Variants in NLN observed in about 807,000 individuals in gnomAD.
NLN encodes neurolysin.
In NLN, 64 loss-of-function variants were observed where a neutral mutation model predicts 79.9. The observed-to-expected ratio is 0.80, with a 90% CI of 0.65 to 0.99. The LOEUF (loss-of-function observed/expected upper bound fraction) is 0.99. Ranked by LOEUF, NLN falls within the 50% of genes least tolerant of loss-of-function variation. NLN has a pLI of 0.00. For missense variants in NLN, 835 were observed against 858.7 expected, an observed-to-expected ratio of 0.97 and a Z score of 0.34; for synonymous variants, 267 against 296.6, an observed-to-expected ratio of 0.90 and a Z score of 1.02.
chr5:65,810,663 T>C (rs1247901185), intron 11 of NLN, among the ~76,000 whole-genome samples: 3 of 152,220 alleles, frequency 2.0e-5, no homozygotes, highest in African/African-American at 7.2e-5. Flanking sequence ...TTGACTATAG[T>C]CATCCTGTTA....
At chr5:65,814,795 A>G (rs1338131012) in intron 12 of NLN, among the ~76,000 whole-genome samples, 1 of 152,204 alleles carries the variant, frequency 6.6e-6, no homozygotes, top group Non-Finnish European at 1.5e-5. Flanking sequence ...TGAGCATGGA[A>G]GAAGGGCTTC....
chr5:65,745,805 T>G (rs917816688), intron 1 of NLN, among the ~76,000 whole-genome samples: 1 of 152,186 alleles, frequency 6.6e-6, no homozygotes, highest in Non-Finnish European at 1.5e-5. Context: ...ATCAGATTTA[T>G]GTTTTAGGAT....
chr5:65,785,605 CAAAAA>C (rs111882029), intron 6 of NLN, among the ~76,000 whole-genome samples, 165 bp from the exon 7 acceptor site: 1 of 76,914 alleles, frequency 1.3e-5, no homozygotes, highest in African/African-American at 3.4e-5. Context: ...ATCATGAATC[CAAAAA>C]AAAAAAAAAA....
intron 1 of NLN, among the ~76,000 whole-genome samples, chr5:65,734,348 G>T (rs1429878366): frequency 7.3e-6 from 1 of 137,624 alleles, no homozygotes; most frequent in Non-Finnish European, 1.6e-5. Context: ...GGCACGTGCT[G>T]ACTGTGAGTG....
At chr5:65,726,111 C>CAAAA (rs60073030) in intron 1 of NLN, among the ~76,000 whole-genome samples, 1 of 120,980 alleles carries the variant, frequency 8.3e-6, no homozygotes, top group African/African-American at 3.1e-5. Flanking sequence ...GACTCCGTCT[C>CAAAA]AAAAAAAAAA....
At position 65,803,399 on chromosome 5, in the gene NLN, G is replaced by C. The variant is rs899457411; in HGVS notation, c.1528-6116G>C. 4.8e-4 allele frequency among the ~76,000 whole-genome samples: 73 copies of C among 152,244 alleles called. 1 individual carries two copies. Among genetic ancestry groups the C allele is most frequent in the African/African-American group, 1.8e-3 (73 of 41,472 alleles). Reference sequence around the variant, plus strand: ...AGTTCAGTAGGGGCTGAGGCAGCAAGGGGCTGGCATGTCAGTGCTGTCCTG... The same window carrying C: ...AGTTCAGTAGGGGCTGAGGCAGCAACGGGCTGGCATGTCAGTGCTGTCCTG... On this transcript the variant is annotated intron_variant, in intron 9 of 12. Coordinates refer to ENST00000380985, the MANE Select transcript of NLN (RefSeq NM_020726.5).
intron 3 of NLN, among the ~76,000 whole-genome samples, chr5:65,770,137 T>C (rs1759536447): frequency 6.6e-6 from 1 of 152,254 alleles, no homozygotes; most frequent in Non-Finnish European, 1.5e-5. Context: ...CTTTATGATA[T>C]CTGGGCAGGG....
At chr5:65,810,697 A>C (rs992157210) in intron 11 of NLN, among the ~76,000 whole-genome samples, 28 of 152,124 alleles carry the variant, frequency 1.8e-4, no homozygotes, top group African/African-American at 6.8e-4. Flanking sequence ...GAGCATTTTC[A>C]GGCCTGGCAT....
intron 1 of NLN, among the ~76,000 whole-genome samples, chr5:65,746,174 C>A (rs1247082779): frequency 6.6e-6 from 1 of 152,028 alleles, no homozygotes; most frequent in Non-Finnish European, 1.5e-5. Context: ...GGCCATAGAA[C>A]TGAATCCTGA....
chr5:65,773,227 G>C (rs1356495202), intron 3 of NLN, among the ~76,000 whole-genome samples: 1 of 150,662 alleles, frequency 6.6e-6, no homozygotes, highest in African/African-American at 2.5e-5. Flanking sequence ...TGCCTCCTGG[G>C]CCCAAGCAAT....
intron 1 of NLN, among the ~76,000 whole-genome samples, chr5:65,737,012 G>A (rs1222578842): frequency 6.6e-6 from 1 of 152,104 alleles, no homozygotes; most frequent in African/African-American, 2.4e-5. Flanking sequence ...GGCTAAGGTG[G>A]GAGGATTGCT....
intron 1 of NLN, among the ~76,000 whole-genome samples, chr5:65,754,821 A>G (rs951968755): frequency 2.0e-5 from 3 of 151,924 alleles, no homozygotes; most frequent in East Asian, 1.9e-4. Context: ...TGGTTTTCCC[A>G]TTTTATATCC....
chr5:65,729,377 T>C (rs973417335), intron 1 of NLN, among the ~76,000 whole-genome samples: 6 of 145,340 alleles, frequency 4.1e-5, no homozygotes, highest in East Asian at 2.0e-4. Flanking sequence ...TTCTTTTTTT[T>C]TTTTTTTTTT....
intron 12 of NLN, among the ~76,000 whole-genome samples, chr5:65,816,099 G>T (rs1425181775): frequency 3.3e-5 from 5 of 151,924 alleles, no homozygotes; most frequent in African/African-American, 1.2e-4. Context: ...CCAAGAAAAA[G>T]AACAAGATCT....
chr5:65,733,164 T>C lies in NLN; in HGVS notation c.41+10750T>C, dbSNP rs1758649489. 2.1e-5 allele frequency: 32 copies of C among 1,489,818 alleles called. 4 individuals carry two copies. Among genetic ancestry groups the C allele is most frequent in the Non-Finnish European group, 2.9e-5 (31 of 1,081,848 alleles). The allele number at this position is 1,489,818 out of a possible 1,614,324, so 92.3% of individuals were successfully genotyped here. ...TTACCTAGCTGATCGGGACATGGAG[T>C]GTCTGTCTTAGTAACCAAGCCTCAG... is the stretch of plus-strand genomic sequence containing the variant. On this transcript the variant is annotated intron_variant, in intron 1 of 12. Coordinates refer to ENST00000380985, the MANE Select transcript of NLN (RefSeq NM_020726.5).
chr5:65,809,569 C>T lies in NLN; in HGVS notation c.1582C>T (p.Pro528Ser). Residue 528 changes from proline to serine, a missense_variant, in exon 10 of 13, where the codon CCA becomes TCA. Transcript: ENST00000380985. ...TNVETDFVEV[P>S]SQMLENWVWD... ...TGTGGAAACTGACTTTGTAGAGGTG[C>T]CATCGCAAATGCTTGAAAATTGGGT... 1.9e-6 allele frequency: 3 copies of T among 1,612,998 alleles called. No individual in the cohort carries two copies. The highest frequency in any genetic ancestry group is 1.7e-6 in the Non-Finnish European group (2 of 1,179,730).
chr5:65,785,250 A>G (rs952252427), intron 6 of NLN, among the ~76,000 whole-genome samples: 2 of 152,220 alleles, frequency 1.3e-5, no homozygotes, highest in Non-Finnish European at 2.9e-5. Context: ...ACCGTTTTCT[A>G]CAGCAGCTAA....
At position 65,739,032 on chromosome 5, in the gene NLN, TATATATATAAAAA is replaced by T. The variant is rs1361196645; in HGVS notation, c.41+16630_41+16642del. ...TATATTTATATATATAAATATATAA[TATATATATAAAAA>T]ATATATATAAATTAGCCTGGCTAAA... On this transcript the variant is annotated intron_variant, in intron 1 of 12. Transcript: ENST00000380985. Among the ~76,000 whole-genome samples, 84 of 140,538 alleles carry T rather than the reference TATATATATAAAAA, an allele frequency of 6.0e-4. 1 individual carries two copies. The highest frequency in any genetic ancestry group is 2.0e-3 in the African/African-American group (78 of 38,498). 92.2% of individuals were successfully genotyped at this position (140,538 alleles called of 152,430 possible). A position where few individuals can be genotyped will look rare whatever the true frequency, so the allele number is the denominator to read the frequency against.
intron 1 of NLN, among the ~76,000 whole-genome samples, chr5:65,729,377 T>TC (rs1196957719): frequency 6.9e-6 from 1 of 145,340 alleles, no homozygotes; most frequent in Non-Finnish European, 1.5e-5. Context: ...TTCTTTTTTT[T>TC]TTTTTTTTTT....
Sources: allele counts gnomAD v4.1 joint callset (sites outside exome capture counted in the v4.1 genomes callset), GRCh38; gene constraint gnomAD v4.1.1; transcripts MANE v1.5; gene names NCBI Gene and HGNC (gene_info 2026-07-23, HGNC 2026-07-21).